The following IGFBP2 variants were observed in gnomAD, a reference collection of about 807,000 sequenced individuals.
IGFBP2 encodes insulin like growth factor binding protein 2.
Under a neutral mutation model 26.2 loss-of-function variants are expected in IGFBP2, and 12 were observed. The observed-to-expected ratio is 0.46, with a 90% CI of 0.29 to 0.74. The LOEUF (loss-of-function observed/expected upper bound fraction) is 0.74, where lower values mean the gene tolerates loss of function less well. IGFBP2 is among the 30% of genes least tolerant of loss of function. The pLI, the probability that IGFBP2 is intolerant of heterozygous loss-of-function variation, is 0.09. For missense variants in IGFBP2, 328 were observed against 441.2 expected, an observed-to-expected ratio of 0.74 and a Z score of 2.30; for synonymous variants, 189 against 200.6, an observed-to-expected ratio of 0.94 and a Z score of 0.49.
intron 1 of IGFBP2, among the ~76,000 whole-genome samples, chr2:216,640,341 A>G (rs1697586899): frequency 6.6e-6 from 1 of 152,186 alleles, no homozygotes; most frequent in South Asian, 2.1e-4. Context: ...CTCTCCTATA[A>G]GAGTTAGCAC....
rs762075859 is a variant in IGFBP2 at position 216,664,015 on chromosome 2, G to T, written c.889G>T (p.Ala297Ser). ...CAACACCGGGAAGCTGATCCAGGGA[G>T]CCCCCACCATCCGGGGGGACCCCGA... ...NPNTGKLIQG[A>S]PTIRGDPECH... The change falls in exon 4 of 4, where the codon GCC (alanine) becomes TCC (serine). Residue 297 changes from alanine (A) to serine (S), a missense_variant. Coordinates refer to ENST00000233809, the MANE Select transcript of IGFBP2 (RefSeq NM_000597.3). This position sits in a 1 kb window ranked among gnomAD's most constrained non-coding sequence, Gnocchi z 4.6. The T allele has an allele frequency of 2.5e-5, 41 of 1,614,014 alleles. No homozygotes were observed. Among genetic ancestry groups the T allele is most frequent in the Non-Finnish European group, 3.5e-5 (41 of 1,180,026 alleles).
Position 216,638,546 on chromosome 2 carries a change from G to A in IGFBP2, c.442+4581G>A, listed in dbSNP as rs773224357. On this transcript the variant is annotated intron_variant, in intron 1 of 3. Transcript: ENST00000233809. ...TAAAAATAAAAATAAAAAGCCATGG[G>A]TTACCTGAAAGTAGGAGCATATCCA... Among the ~76,000 whole-genome samples the A allele has an allele frequency of 4.7e-4, 72 of 151,958 alleles. 1 individual carries two copies. The highest frequency in any genetic ancestry group is 9.3e-4 in the Non-Finnish European group (63 of 67,994).
chr2:216,661,680 C>T, intron 2 of IGFBP2, 178 bp from the exon 3 acceptor site: 1 of 714,784 alleles, frequency 1.4e-6, no homozygotes, highest in South Asian at 1.6e-5. Context: ...GTTGGGCACC[C>T]AGCATGGCAG....
At chr2:216,640,424 C>T (rs1259460171) in intron 1 of IGFBP2, among the ~76,000 whole-genome samples, 3 of 152,172 alleles carry the variant, frequency 2.0e-5, no homozygotes, top group African/African-American at 4.8e-5. Context: ...AAGCTGGTAA[C>T]GTGGTTGGCA....
intron 1 of IGFBP2, among the ~76,000 whole-genome samples, chr2:216,653,808 T>A (rs1293908027): frequency 6.6e-6 from 1 of 152,152 alleles, no homozygotes; most frequent in East Asian, 1.9e-4. Flanking sequence ...TGACCTTCTA[T>A]ATGTGAAATC....
At chr2:216,643,349 C>T (rs1269294813) in intron 1 of IGFBP2, among the ~76,000 whole-genome samples, 1 of 152,148 alleles carries the variant, frequency 6.6e-6, no homozygotes, top group African/African-American at 2.4e-5. Flanking sequence ...TGTCTGATTC[C>T]ATCTGTGGTA....
intron 1 of IGFBP2, among the ~76,000 whole-genome samples, chr2:216,638,294 C>T (rs1697541108): frequency 1.3e-5 from 2 of 150,940 alleles, no homozygotes; most frequent in Non-Finnish European, 2.9e-5. Flanking sequence ...CACCTAAGGC[C>T]AGGAGTTCAA....
chr2:216,656,531 C>T (rs111795501), intron 1 of IGFBP2, among the ~76,000 whole-genome samples: 74 of 152,318 alleles, frequency 4.9e-4, no homozygotes, highest in Non-Finnish European at 2.5e-4. Context: ...CATTTGGCAA[C>T]GAATGAAGAC....
intron 1 of IGFBP2, among the ~76,000 whole-genome samples, chr2:216,653,355 A>G (rs1328452919): frequency 1.3e-5 from 2 of 152,230 alleles, no homozygotes; most frequent in Non-Finnish European, 2.9e-5. Context: ...GATGCAACAA[A>G]CAGGATTACA....
intron 1 of IGFBP2, among the ~76,000 whole-genome samples, chr2:216,636,558 G>A (rs1697500014): frequency 6.6e-6 from 1 of 152,072 alleles, no homozygotes; most frequent in Non-Finnish European, 1.5e-5. Context: ...AAACTGAGAA[G>A]TCAGTCTTGG....
chr2:216,642,598 GC>G (rs1474486355), intron 1 of IGFBP2, among the ~76,000 whole-genome samples: 1 of 152,156 alleles, frequency 6.6e-6, no homozygotes, highest in South Asian at 2.1e-4. Context: ...GAGCTACCAC[GC>G]CTGGCCTAGG....
chr2:216,645,764 T>G (rs1387209230), intron 1 of IGFBP2, among the ~76,000 whole-genome samples: 1 of 152,216 alleles, frequency 6.6e-6, no homozygotes, highest in African/African-American at 2.4e-5. Context: ...GCTGCCACTT[T>G]GCTTTGGAAA....
intron 1 of IGFBP2, among the ~76,000 whole-genome samples, chr2:216,635,284 C>T (rs1697473244): frequency 6.6e-6 from 1 of 152,138 alleles, no homozygotes; most frequent in African/African-American, 2.4e-5. Flanking sequence ...CAGTCCCTTT[C>T]TTCTCCCTCG....
rs1341458046 is a variant in IGFBP2 at position 216,633,513 on chromosome 2, C to T, written c.-11C>T. 1.3e-6 allele frequency: 1 copy of T among 767,618 alleles called. No individual in the cohort carries two copies. Among genetic ancestry groups the T allele is most frequent in the Non-Finnish European group, 1.6e-6 (1 of 628,928 alleles). The allele number at this position is 767,618 out of a possible 1,614,324, so 47.6% of individuals were successfully genotyped here. The stretch of plus-strand genomic sequence containing the variant: ...TCGCTCGCCCGCCGCGCCGCGCTGC[C>T]GACCGCCAGCATGCTGCCGAGAGTG... On this transcript the variant is annotated 5_prime_UTR_variant, in exon 1 of 4. Coordinates refer to ENST00000233809, the MANE Select transcript of IGFBP2 (RefSeq NM_000597.3).
intron 1 of IGFBP2, among the ~76,000 whole-genome samples, chr2:216,649,661 A>C (rs1347027062): frequency 6.6e-6 from 1 of 152,236 alleles, no homozygotes; most frequent in Admixed American, 6.5e-5. Flanking sequence ...AGCTTGGCTC[A>C]CGGGGCCCCA....
chr2:216,650,711 T>C (rs991899124), intron 1 of IGFBP2, among the ~76,000 whole-genome samples: 1 of 152,190 alleles, frequency 6.6e-6, no homozygotes, highest in Non-Finnish European at 1.5e-5. Context: ...TCGTGTGATC[T>C]TATAACCTAG....
chr2:216,651,043 G>C (rs978923555), intron 1 of IGFBP2, among the ~76,000 whole-genome samples: 2 of 152,080 alleles, frequency 1.3e-5, no homozygotes, highest in Admixed American at 6.5e-5. Flanking sequence ...ACAGACATCT[G>C]TGCACACTAT....
intron 1 of IGFBP2, among the ~76,000 whole-genome samples, chr2:216,658,191 G>T (rs1697954978): frequency 6.6e-6 from 1 of 151,972 alleles, no homozygotes; most frequent in South Asian, 2.1e-4. Flanking sequence ...TTCCTTCTTT[G>T]TCCCTTCAAT....
intron 1 of IGFBP2, among the ~76,000 whole-genome samples, chr2:216,639,175 C>T (rs187840471): frequency 1.3e-5 from 2 of 151,946 alleles, no homozygotes; most frequent in African/African-American, 2.4e-5. Flanking sequence ...TGGGAATTCA[C>T]GCATGCACCA....
Sources: gnomAD v4.1 joint callset for allele counts (sites outside exome capture counted in the v4.1 genomes callset) on GRCh38, gnomAD v4.1.1 for gene constraint, Gnocchi (gnomAD v3.1) non-coding constraint, MANE v1.5 for transcripts, NCBI Gene and HGNC (gene_info 2026-07-23, HGNC 2026-07-21) for gene names.